The following CDH18 variants were observed in gnomAD, a reference collection of about 807,000 sequenced individuals.
The protein encoded by CDH18 is cadherin 18, also known as cadherin-18.
CDH18 carries 31 observed loss-of-function variants against 67.9 expected under a neutral mutation model. The ratio of observed to expected loss-of-function variants is 0.46; its 90% CI spans 0.34 to 0.62. The LOEUF (loss-of-function observed/expected upper bound fraction) is 0.62, where lower values mean the gene tolerates loss of function less well. Among genes scored for constraint, CDH18 ranks in the 20% least tolerant of loss-of-function variants. CDH18 has a pLI of 0.01. For synonymous variants in CDH18, 362 were observed against 347.2 expected, an observed-to-expected ratio of 1.04 and a Z score of -0.48; for missense variants, 890 against 975.5, an observed-to-expected ratio of 0.91 and a Z score of 1.17.
intron 2 of CDH18, among the ~76,000 whole-genome samples, chr5:20,142,335 T>A (rs1229070722): frequency 6.6e-6 from 1 of 152,040 alleles, no homozygotes. Context: ...ATCCCAGAAC[T>A]TTGGGAGGCT....
chr5:19,546,795 C>A (rs962652921), intron 8 of CDH18, among the ~76,000 whole-genome samples: 2 of 152,044 alleles, frequency 1.3e-5, no homozygotes, highest in East Asian at 1.9e-4. Flanking sequence ...GAGCAAGGAG[C>A]ATGCCAAGAA....
At chr5:19,752,749 C>A (rs1418435338) in intron 3 of CDH18, among the ~76,000 whole-genome samples, 4 of 152,144 alleles carry the variant, frequency 2.6e-5, no homozygotes, top group Admixed American at 2.6e-4. Flanking sequence ...ATTAAACCAC[C>A]AAAGTTAAGA....
chr5:19,612,630 A>G (rs1749176128), intron 5 of CDH18, 29 bp from the exon 6 acceptor site: 1 of 1,504,348 alleles, frequency 6.6e-7, no homozygotes, highest in Non-Finnish European at 9.2e-7. Flanking sequence ...AATAAACAGT[A>G]TGAGCTATAT....
chr5:20,389,615 T>C (rs545816733), intron 1 of CDH18, among the ~76,000 whole-genome samples: 2 of 152,230 alleles, frequency 1.3e-5, no homozygotes, highest in African/African-American at 4.8e-5. Flanking sequence ...AATGACTTTC[T>C]TCACAGAATT....
At chr5:20,013,553 A>G (rs897516378) in intron 2 of CDH18, among the ~76,000 whole-genome samples, 1 of 152,012 alleles carries the variant, frequency 6.6e-6, no homozygotes, top group Non-Finnish European at 1.5e-5. Context: ...GATTCTGTTT[A>G]TTTATATATT....
chr5:19,716,989 CCCACTATGAGAA>C (rs1765420609), intron 5 of CDH18, among the ~76,000 whole-genome samples: 1 of 151,726 alleles, frequency 6.6e-6, no homozygotes, highest in Non-Finnish European at 1.5e-5. Context: ...GTGAAAAAAA[CCCACTATGAGAA>C]TCATTTATAC....
intron 2 of CDH18, among the ~76,000 whole-genome samples, chr5:20,063,499 G>A (rs1742690639): frequency 1.3e-5 from 2 of 151,802 alleles, no homozygotes; most frequent in African/African-American, 4.8e-5. Context: ...TTGCACCCTG[G>A]TCCACACAGT....
intron 1 of CDH18, among the ~76,000 whole-genome samples, chr5:20,448,211 C>T (rs373024035): frequency 1.3e-3 from 198 of 151,852 alleles, no homozygotes; most frequent in African/African-American, 4.4e-3. Context: ...CATCCATGTC[C>T]CTACAAAGGA....
intron 7 of CDH18, among the ~76,000 whole-genome samples, chr5:19,583,539 G>A (rs536764215): frequency 6.6e-6 from 1 of 152,174 alleles, no homozygotes; most frequent in Admixed American, 6.6e-5. Flanking sequence ...ATCAAATAAC[G>A]TGAAATAAAG....
chr5:19,567,052 G>T (rs926351144), intron 8 of CDH18, among the ~76,000 whole-genome samples: 2 of 152,036 alleles, frequency 1.3e-5, no homozygotes, highest in Non-Finnish European at 2.9e-5. Context: ...AAGGAGATAG[G>T]GGGTAGAATA....
chr5:20,284,647 G>T (rs1028970787), intron 1 of CDH18, among the ~76,000 whole-genome samples: 2 of 151,838 alleles, frequency 1.3e-5, no homozygotes, highest in Admixed American at 6.6e-5. Flanking sequence ...CACTTAGTAC[G>T]ACACCATGAA....
intron 2 of CDH18, among the ~76,000 whole-genome samples, chr5:20,010,109 TG>T (rs138030036): frequency 0.35 from 53,234 of 151,356 alleles, 11,460 homozygotes; most frequent in Middle Eastern, 0.6. Flanking sequence ...ACATGAATGA[TG>T]GATTAGTCTA....
intron 8 of CDH18, among the ~76,000 whole-genome samples, chr5:19,562,790 G>C (rs1002684550): frequency 5.3e-5 from 8 of 152,104 alleles, no homozygotes; most frequent in Non-Finnish European, 8.8e-5. Flanking sequence ...TAAATGCATA[G>C]ATAAATTCAG....
At chr5:19,567,533 C>T (rs1339946036) in intron 8 of CDH18, among the ~76,000 whole-genome samples, 3 of 152,026 alleles carry the variant, frequency 2.0e-5, no homozygotes, top group Non-Finnish European at 4.4e-5. Flanking sequence ...AACATTTGGT[C>T]CCTGAGAAAG....
chr5:19,693,421 T>C (rs113600266), intron 5 of CDH18, among the ~76,000 whole-genome samples: 35 of 152,344 alleles, frequency 2.3e-4, no homozygotes, highest in African/African-American at 7.9e-4. Context: ...GAAGTGCATC[T>C]TTCTTGGACA....
intron 2 of CDH18, among the ~76,000 whole-genome samples, chr5:20,000,606 G>C (rs970443145): frequency 2.0e-5 from 3 of 152,114 alleles, no homozygotes; most frequent in African/African-American, 7.2e-5. Context: ...GGCAATATTA[G>C]ATTGTGGCTT....
At chr5:19,928,464 A>T (rs2150190544) in intron 2 of CDH18, among the ~76,000 whole-genome samples, 1 of 152,280 alleles carries the variant, frequency 6.6e-6, no homozygotes, top group African/African-American at 2.4e-5. Context: ...GAAGTCACCA[A>T]ATATGTATAA....
chr5:20,096,019 G>A (rs1200876509), intron 2 of CDH18, among the ~76,000 whole-genome samples: 3 of 152,000 alleles, frequency 2.0e-5, no homozygotes, highest in Admixed American at 1.3e-4. Flanking sequence ...GATTTGAAAG[G>A]AGAGCTTATA....
intron 2 of CDH18, among the ~76,000 whole-genome samples, chr5:20,091,345 GC>G (rs1432259066): frequency 3.3e-5 from 5 of 151,878 alleles, no homozygotes; most frequent in African/African-American, 1.2e-4. Flanking sequence ...TAAAAACTTA[GC>G]TGGGCACAGT....
Sources: gnomAD v4.1 joint callset for allele counts (sites outside exome capture counted in the v4.1 genomes callset) on GRCh38, gnomAD v4.1.1 for gene constraint, MANE v1.5 for transcripts, NCBI Gene and HGNC (gene_info 2026-07-23, HGNC 2026-07-21) for gene names.